DCTN2: variants seen among roughly 807,000 people sequenced by gnomAD.
The protein encoded by DCTN2 is 50 kDa dynein-associated polypeptide.
In DCTN2, 18 loss-of-function variants were observed where a neutral mutation model predicts 55.4. The ratio of observed to expected loss-of-function variants is 0.32; its 90% CI spans 0.22 to 0.48. The LOEUF (loss-of-function observed/expected upper bound fraction) is 0.48, where lower values mean the gene tolerates loss of function less well. DCTN2 is among the 20% of genes least tolerant of loss of function. The pLI is 0.99. For synonymous variants in DCTN2, 168 were observed against 185.2 expected, an observed-to-expected ratio of 0.91 and a Z score of 0.76; for missense variants, 390 against 491.0, an observed-to-expected ratio of 0.79 and a Z score of 1.94.
At position 57,532,806 on chromosome 12, in the gene DCTN2, G is replaced by A; in HGVS notation, c.779C>T (p.Thr260Ile). Residue 260 changes from threonine (T) to isoleucine (I), a missense_variant, in exon 10 of 14, where the codon ACT (threonine) becomes ATT (isoleucine). By Grantham distance (89) the Thr-to-Ile change is moderately conservative. This residue lies in a region of DCTN2 where 273 missense variants were observed against 303.2 expected (regional missense o/e 0.90). Transcript: ENST00000548249. ...AGLQGACLME[T>I]VELLQAKVSA... is the part of the protein sequence containing the mutation. ...CACCTTTGCTTGCAACAGCTCTACAGTCTCCTGGGGATGGAAGTTGGGACA... is the reference window on the plus strand; with the variant it reads ...CACCTTTGCTTGCAACAGCTCTACAATCTCCTGGGGATGGAAGTTGGGACA... The A allele has an allele frequency of 6.2e-7, 1 of 1,613,970 alleles. No homozygotes were observed. Among genetic ancestry groups the A allele is most frequent in the Non-Finnish European group, 8.5e-7 (1 of 1,179,880 alleles).
intron 2 of DCTN2, among the ~76,000 whole-genome samples, chr12:57,540,884 G>C (rs1473156156): frequency 6.6e-6 from 1 of 152,214 alleles, no homozygotes; most frequent in African/African-American, 2.4e-5. Context: ...ACCTAGCATA[G>C]GGGAATATTA....
Position 57,534,296 on chromosome 12 carries a change from C to G in DCTN2, c.520G>C (p.Ala174Pro). 1 of 1,590,100 alleles carries G rather than the reference C, an allele frequency of 6.3e-7. No individual in the cohort carries two copies. Among genetic ancestry groups the G allele is most frequent in the Admixed American group, 1.7e-5 (1 of 58,242 alleles). The change falls in exon 6 of 14, where the codon GCT becomes CCT. Residue 174 changes from alanine to proline, a missense_variant. Transcript: ENST00000548249. ...INLTDPDGALAKRLLLQLEAT... is the reference protein window; with the variant it reads ...INLTDPDGALPKRLLLQLEAT... The stretch of plus-strand genomic sequence containing the variant: ...TCAACAAAGTAGGGTACCCACTTAG[C>G]CAGGGCGCCATCGGGGTCGGTAAGG...
At chr12:57,532,883 AAATT>A in intron 9 of DCTN2, 73 bp from the exon 10 acceptor site, 1 of 1,598,832 alleles carries the variant, frequency 6.3e-7, no homozygotes. Context: ...ATATTCCACT[AAATT>A]AATATATAGC....
In DCTN2 at chr12:57,535,474, C is replaced by A. The variant is rs772986963; in HGVS notation, c.264+10G>T. ...CCATTCCCATCAACACACACACACA[C>A]ACAACAAACCATCTCATATTCTCCA... On this transcript the variant is annotated intron_variant, in intron 4 of 13. Coordinates refer to ENST00000548249, the MANE Select transcript of DCTN2 (RefSeq NM_001261413.2). 32 of 1,613,830 alleles carry A rather than the reference C, an allele frequency of 2.0e-5. No homozygotes were observed. Among genetic ancestry groups the A allele is most frequent in the Non-Finnish European group, 2.5e-5 (29 of 1,179,868 alleles).
Position 57,532,005 on chromosome 12 carries a change from G to A in DCTN2, c.1119+10C>T, listed in dbSNP as rs1879767642. On this transcript the variant is annotated intron_variant, in intron 13 of 13. Coordinates refer to ENST00000548249, the MANE Select transcript of DCTN2 (RefSeq NM_001261413.2). ...GAGAAAGGAGGACAGATCAACAAAG[G>A]GGCACACACCTGGGTCAAGAGGGTG... 1 of 1,556,908 alleles carries A rather than the reference G, an allele frequency of 6.4e-7. No individual in the cohort carries two copies. The highest frequency in any genetic ancestry group is 8.7e-7 in the Non-Finnish European group (1 of 1,149,850).
chr12:57,534,845 T>G, intron 5 of DCTN2: 1 of 466,418 alleles, frequency 2.1e-6, no homozygotes, highest in Non-Finnish European at 3.8e-6. Flanking sequence ...TTTTTGTATT[T>G]TTTTAGTACA....
chr12:57,532,331 G>A lies in DCTN2; in HGVS notation c.925-16C>T, dbSNP rs2140116008. On this transcript the variant is annotated splice_polypyrimidine_tract_variant and intron_variant, in intron 11 of 13. Transcript: ENST00000548249. ...GCTGGTGCACCTGAAGGGACACAATGGGGCCCAGAGGGGATGGCTGAGGCA... is the reference window on the plus strand; with the variant it reads ...GCTGGTGCACCTGAAGGGACACAATAGGGCCCAGAGGGGATGGCTGAGGCA... 6.4e-7 allele frequency: 1 copy of A among 1,552,416 alleles called. No homozygotes were observed. Among genetic ancestry groups the A allele is most frequent in the Non-Finnish European group, 8.7e-7 (1 of 1,146,222 alleles).
chr12:57,535,436 T>G (rs771416667), intron 4 of DCTN2, 48 bp downstream of exon 4: 1 of 1,604,354 alleles, frequency 6.2e-7, no homozygotes, highest in Non-Finnish European at 8.5e-7. Flanking sequence ...GTCTGCTAGA[T>G]AGGGTCACTA....
intron 6 of DCTN2, 78 bp from the exon 7 acceptor site, chr12:57,534,175 T>A: frequency 6.5e-7 from 1 of 1,529,568 alleles, no homozygotes; most frequent in Non-Finnish European, 8.8e-7. Context: ...TGCCTCATAA[T>A]CAGCATTAAG....
At chr12:57,538,423 A>T in intron 2 of DCTN2, 1 of 712,772 alleles carries the variant, frequency 1.4e-6, no homozygotes, top group Admixed American at 2.0e-5. Context: ...GACTGAATAG[A>T]TGAATGAAAG....
Position 57,547,128 on chromosome 12 carries a change from G to A in DCTN2, c.-65C>T. On this transcript the variant is annotated 5_prime_UTR_variant, in exon 1 of 14. Transcript: ENST00000548249. ...GAGCCGGGGCCGGTGTTCGGGTAGGGGAGAGGCTGGGTTCGGGTCCCGGGC... is the reference window on the plus strand; with the variant it reads ...GAGCCGGGGCCGGTGTTCGGGTAGGAGAGAGGCTGGGTTCGGGTCCCGGGC... 2 of 1,231,840 alleles carry A rather than the reference G, an allele frequency of 1.6e-6. 1 individual carries two copies. The allele number at this position is 1,231,840 out of a possible 1,614,324, so 76.3% of individuals were successfully genotyped here.
At position 57,532,657 on chromosome 12, in the gene DCTN2, T is replaced by C. The variant is rs573070976; in HGVS notation, c.853-14A>G. 11 of 1,613,962 alleles carry C rather than the reference T, an allele frequency of 6.8e-6. No individual in the cohort carries two copies. The South Asian group carries it at 1.2e-4, about 18-fold the overall frequency. On this transcript the variant is annotated splice_polypyrimidine_tract_variant and intron_variant, in intron 10 of 13. Transcript: ENST00000548249. ...TCCCAGGACACTCTGAAAACACAGA[T>C]TTTAAGGTTGATAGGGCATCCAGGG... is the stretch of plus-strand genomic sequence containing the variant.
intron 10 of DCTN2, 43 bp downstream of exon 10, chr12:57,532,690 A>C: frequency 6.2e-7 from 1 of 1,613,790 alleles, no homozygotes; most frequent in Admixed American, 1.7e-5. Context: ...GGGCTTCCAG[A>C]GTCCCAAGCT....
chr12:57,537,084 C>G (rs925642185), intron 2 of DCTN2, among the ~76,000 whole-genome samples: 1 of 151,194 alleles, frequency 6.6e-6, no homozygotes, highest in Non-Finnish European at 1.5e-5. Flanking sequence ...AGTGATCCAC[C>G]CGCCTCGGCC....
intron 2 of DCTN2, chr12:57,543,803 A>G: frequency 1.6e-6 from 2 of 1,289,494 alleles, no homozygotes; most frequent in Non-Finnish European, 2.0e-6. Flanking sequence ...ATGCACTTCT[A>G]TACTGGCATC....
intron 2 of DCTN2, among the ~76,000 whole-genome samples, chr12:57,543,540 T>C (rs1259088464): frequency 6.6e-6 from 1 of 152,104 alleles, no homozygotes; most frequent in Non-Finnish European, 1.5e-5. Context: ...GCTCCTCAAA[T>C]TGCATATTTA....
chr12:57,535,108 T>C lies in DCTN2; in HGVS notation c.311A>G (p.Gln104Arg). Residue 104 changes from glutamine to arginine, a missense_variant, in exon 5 of 14, where the codon CAG (glutamine) becomes CGG (arginine). Physicochemically the swap from Gln to Arg is conservative, Grantham distance 43. Coordinates refer to ENST00000548249, the MANE Select transcript of DCTN2 (RefSeq NM_001261413.2). ...CTCTTGGACCTCATGCAGTAGGCGCTGGTACTTTTGCTGGGGTGTCTCCTT... is the reference window on the plus strand; with the variant it reads ...CTCTTGGACCTCATGCAGTAGGCGCCGGTACTTTTGCTGGGGTGTCTCCTT... ...GVKETPQQKY[Q>R]RLLHEVQELT... 1.2e-6 allele frequency: 2 copies of C among 1,613,904 alleles called. No individual in the cohort carries two copies. Among genetic ancestry groups the C allele is most frequent in the Non-Finnish European group, 1.7e-6 (2 of 1,179,886 alleles).
At chr12:57,545,998 G>A (rs772563978) in intron 2 of DCTN2, 30 bp downstream of exon 2, 4 of 1,609,300 alleles carry the variant, frequency 2.5e-6, no homozygotes, top group South Asian at 1.1e-5. Flanking sequence ...GTCAGAGTCC[G>A]GAGGAGTCTG....
chr12:57,536,855 A>G (rs1457104561), intron 2 of DCTN2, among the ~76,000 whole-genome samples: 1 of 152,122 alleles, frequency 6.6e-6, no homozygotes, highest in Non-Finnish European at 1.5e-5. Flanking sequence ...TGGAAGTAGG[A>G]GGGAGACCCA....
Sources: allele counts gnomAD v4.1 joint callset (sites outside exome capture counted in the v4.1 genomes callset), GRCh38; gene constraint gnomAD v4.1.1; regional missense constraint gnomAD v4.1.1; transcripts MANE v1.5; gene names NCBI Gene and HGNC (gene_info 2026-07-23, HGNC 2026-07-21).